The following FBN2 variants were observed in gnomAD, a reference collection of about 807,000 sequenced individuals.
FBN2 encodes fibrillin 2, also known as fibrillin-2.
FBN2 carries 105 observed loss-of-function variants against 355.6 expected under a neutral mutation model. The ratio of observed to expected loss-of-function variants is 0.30; its 90% CI spans 0.25 to 0.35. The LOEUF (loss-of-function observed/expected upper bound fraction) is 0.35. FBN2 is among the 10% of genes least tolerant of loss of function. The pLI is 1.00. For synonymous variants in FBN2, 1,350 were observed against 1,301.2 expected, an observed-to-expected ratio of 1.04 and a Z score of -0.81; for missense variants, 3,280 against 3,758.7, an observed-to-expected ratio of 0.87 and a Z score of 3.33.
rs374980391 is a variant in FBN2 at position 128,436,058 on chromosome 5, TGTTA to T, written c.952+10419_952+10422del. ...TCAGTAATTCCCCATGAAATATGGC[TGTTA>T]GTTAACTAACACCGTCAAGGTGCTG... On this transcript the variant is annotated intron_variant, in intron 7 of 64. Transcript: ENST00000262464. Among the ~76,000 whole-genome samples, 1,125 of 152,358 alleles carry T rather than the reference TGTTA, an allele frequency of 7.4e-3. 13 individuals are homozygous for T. Among genetic ancestry groups the T allele is most frequent in the African/African-American group, 0.025 (1,057 of 41,588 alleles).
At chr5:128,334,022 A>C (rs1395925568) in intron 31 of FBN2, among the ~76,000 whole-genome samples, 1 of 152,014 alleles carries the variant, frequency 6.6e-6, no homozygotes, top group Non-Finnish European at 1.5e-5. Flanking sequence ...ATCACACATA[A>C]GTCTTAAATT....
In FBN2 at chr5:128,381,002, A is replaced by T. The variant is rs534116731; in HGVS notation, c.1604-2112T>A. ...TGATTATCAAAATTGTTAATTTCTC[A>T]AATACTACTATATAGCTAAGAAATA... On this transcript the variant is annotated intron_variant, in intron 11 of 64. Coordinates refer to ENST00000262464, the MANE Select transcript of FBN2 (RefSeq NM_001999.4). Among the ~76,000 whole-genome samples the T allele has an allele frequency of 1.7e-4, 26 of 152,262 alleles. No individual in the cohort carries two copies. In the South Asian group the frequency reaches 3.3e-3, roughly 19 times the overall value.
At chr5:128,527,494 G>C (rs1398450811) in intron 4 of FBN2, among the ~76,000 whole-genome samples, 1 of 151,910 alleles carries the variant, frequency 6.6e-6, no homozygotes, top group African/African-American at 2.4e-5. Flanking sequence ...AACTGGAGAG[G>C]GAAGGAAGAA....
At chr5:128,510,930 T>C (rs1189919154) in intron 5 of FBN2, among the ~76,000 whole-genome samples, 1 of 152,228 alleles carries the variant, frequency 6.6e-6, no homozygotes, top group East Asian at 1.9e-4. Flanking sequence ...TCCTACTTTC[T>C]TATTAGCTGA....
At chr5:128,457,816 A>G (rs1475322853) in intron 6 of FBN2, among the ~76,000 whole-genome samples, 1 of 151,990 alleles carries the variant, frequency 6.6e-6, no homozygotes, top group Non-Finnish European at 1.5e-5. Context: ...CTAAATATGG[A>G]AAGGAAAAAC....
rs779584135 is a variant in FBN2, at chr5:128,263,494, T to A, written c.8123A>T (p.Tyr2708Phe). The change falls in exon 63 of 65, where the codon TAC becomes TTC. Residue 2708 changes from tyrosine (Y) to phenylalanine (F), a missense_variant. Transcript: ENST00000262464. The part of the protein sequence containing the change: ...ECSSSKNPCN[Y>F]GCSNTEGGYL... ...GCCCCCCTCCGTGTTAGAGCAGCCG[T>A]AATTGCAGGGGTTCTTGGAGGACGA... 6.2e-7 allele frequency: 1 copy of A among 1,614,062 alleles called. No individual in the cohort carries two copies. Among genetic ancestry groups the A allele is most frequent in the South Asian group, 1.1e-5 (1 of 91,084 alleles).
intron 48 of FBN2, among the ~76,000 whole-genome samples, chr5:128,298,381 C>A (rs1038085269): frequency 1.1e-4 from 16 of 152,212 alleles, no homozygotes; most frequent in African/African-American, 3.9e-4. Flanking sequence ...TGAATGTTGG[C>A]CTGCCTTGCT....
chr5:128,291,788 A>T, intron 48 of FBN2, 134 bp from the exon 49 acceptor site: 1 of 932,966 alleles, frequency 1.1e-6, no homozygotes, highest in Non-Finnish European at 1.7e-6. Context: ...TATTCATAAA[A>T]ATAAACTATT....
chr5:128,435,777 T>C (rs1052066416), intron 7 of FBN2, among the ~76,000 whole-genome samples: 1 of 152,222 alleles, frequency 6.6e-6, no homozygotes, highest in Non-Finnish European at 1.5e-5. Flanking sequence ...TAAAATGTCA[T>C]CTGGATATTT....
chr5:128,525,850 G>A (rs1433739293), intron 4 of FBN2, among the ~76,000 whole-genome samples: 3 of 152,130 alleles, frequency 2.0e-5, no homozygotes, highest in Non-Finnish European at 2.9e-5. Context: ...AGTGAAAATT[G>A]TGTGAAATTC....
In FBN2 at chr5:128,537,748, C is replaced by T. The variant is rs1756899714; in HGVS notation, c.-145G>A. 2.5e-6 allele frequency: 2 copies of T among 796,868 alleles called. No individual in the cohort carries two copies. Among genetic ancestry groups the T allele is most frequent in the Admixed American group, 2.2e-5 (1 of 45,000 alleles). 49.4% of individuals were successfully genotyped at this position (796,868 alleles called of 1,614,324 possible). ...CTCGGGCTCGGGCTCCCTGCTCTAG[C>T]TGGAGACCTCGACAGAGCGCCGGCC... On this transcript the variant is annotated 5_prime_UTR_variant, in exon 1 of 65. Coordinates refer to ENST00000262464, the MANE Select transcript of FBN2 (RefSeq NM_001999.4).
At chr5:128,533,382 T>C (rs776162940) in intron 2 of FBN2, among the ~76,000 whole-genome samples, 4 of 152,194 alleles carry the variant, frequency 2.6e-5, no homozygotes, top group Non-Finnish European at 5.9e-5. Context: ...TCTGTATCTG[T>C]GAGCCAATGA....
intron 7 of FBN2, among the ~76,000 whole-genome samples, chr5:128,429,346 C>A (rs1753561528): frequency 6.6e-6 from 1 of 152,040 alleles, no homozygotes; most frequent in Non-Finnish European, 1.5e-5. Flanking sequence ...CTCCTACTGC[C>A]CACCCACTAT....
At chr5:128,272,347 C>T (rs1765289130) in intron 61 of FBN2, among the ~76,000 whole-genome samples, 1 of 151,692 alleles carries the variant, frequency 6.6e-6, no homozygotes, top group Non-Finnish European at 1.5e-5. Flanking sequence ...TCCACCAGAC[C>T]ACGGCATGTC....
intron 7 of FBN2, among the ~76,000 whole-genome samples, chr5:128,424,640 T>C (rs574954853): frequency 1.3e-5 from 2 of 152,334 alleles, no homozygotes; most frequent in East Asian, 1.9e-4. Flanking sequence ...TTATCATTAA[T>C]AGGAACTAAG....
intron 45 of FBN2, among the ~76,000 whole-genome samples, chr5:128,303,672 T>C (rs1482391084): frequency 2.6e-5 from 4 of 152,154 alleles, no homozygotes; most frequent in African/African-American, 9.7e-5. Context: ...CTGCTGAAAC[T>C]CTACCACACC....
At chr5:128,403,077 T>C (rs554229423) in intron 8 of FBN2, among the ~76,000 whole-genome samples, 4 of 152,266 alleles carry the variant, frequency 2.6e-5, no homozygotes, top group African/African-American at 9.6e-5. Flanking sequence ...AATTTTGGGT[T>C]CTCCAAGTGT....
rs751485739 is a variant in FBN2 at position 128,263,553 on chromosome 5, C to A, written c.8064G>T (p.Gln2688His). The A allele has an allele frequency of 1.2e-6, 2 of 1,614,108 alleles. No individual in the cohort carries two copies. The highest frequency in any genetic ancestry group is 1.7e-6 in the Non-Finnish European group (2 of 1,180,004). Residue 2688 changes from glutamine to histidine, a missense_variant, in exon 63 of 65, where the codon CAG becomes CAT. Coordinates refer to ENST00000262464, the MANE Select transcript of FBN2 (RefSeq NM_001999.4). Reference sequence around the variant, plus strand: ...TCACGTCGTGGCAGGCACTGGAGAACTGGTCGAAGGAGAACCCCGAGGGGC... The same window carrying A: ...TCACGTCGTGGCAGGCACTGGAGAAATGGTCGAAGGAGAACCCCGAGGGGC... ...CACPSGFSFD[Q>H]FSSACHDVNE...
chr5:128,365,556 G>A (rs1353775524), intron 17 of FBN2, among the ~76,000 whole-genome samples: 2 of 151,504 alleles, frequency 1.3e-5, no homozygotes, highest in East Asian at 1.9e-4. Flanking sequence ...TTTTCACTCT[G>A]GTTTGGATAT....
Sources: allele counts gnomAD v4.1 joint callset (sites outside exome capture counted in the v4.1 genomes callset), GRCh38; gene constraint gnomAD v4.1.1; transcripts MANE v1.5; gene names NCBI Gene and HGNC (gene_info 2026-07-23, HGNC 2026-07-21).